The following TMED6 variants were observed in gnomAD, a reference collection of about 807,000 sequenced individuals.
TMED6 encodes the protein transmembrane p24 trafficking protein 6.
Under a neutral mutation model 26.5 loss-of-function variants are expected in TMED6, and 17 were observed. The observed-to-expected ratio is 0.64, with a 90% CI of 0.44 to 0.96. The LOEUF (loss-of-function observed/expected upper bound fraction) is 0.96. Among genes scored for constraint, TMED6 ranks in the 40% least tolerant of loss-of-function variants. TMED6 has a pLI of 0.00. For synonymous variants in TMED6, 107 were observed against 106.2 expected (o/e 1.01, Z -0.04); for missense variants, 309 against 296.5 (o/e 1.04, Z -0.31).
chr16:69,347,662 G>C (rs1437196451), intron 3 of TMED6, 126 bp downstream of exon 3: 3 of 1,398,690 alleles, frequency 2.1e-6, no homozygotes, highest in Non-Finnish European at 2.9e-6. Flanking sequence ...GCCCAGCCAA[G>C]TCATAATTTA....
In TMED6 at chr16:69,351,584, CA is replaced by C; in HGVS notation, c.169del (p.Trp57GlyfsTer40). 1.2e-6 allele frequency: 2 copies of C among 1,614,132 alleles called. No homozygotes were observed. Among genetic ancestry groups the C allele is most frequent in the Non-Finnish European group, 1.7e-6 (2 of 1,180,028 alleles). On this transcript the variant is annotated frameshift_variant, in exon 1 of 4. Coordinates refer to ENST00000288025, the MANE Select transcript of TMED6 (RefSeq NM_144676.4). LOFTEE classifies it high-confidence loss of function. ...MIPPGGTECFWQFAHQTGYFY... is the reference protein window; with the variant it reads ...MIPPGGTECFXQFAHQTGYFY... ...GTATCCAGTCTGGTGGGCAAATTGCCAAAAGCATTCCGTGCCTCCTGGAGGT... is the reference window on the plus strand; with the variant it reads ...GTATCCAGTCTGGTGGGCAAATTGCCAAAGCATTCCGTGCCTCCTGGAGGT...
chr16:69,347,410 G>A (rs774936450), intron 3 of TMED6, among the ~76,000 whole-genome samples: 2 of 152,244 alleles, frequency 1.3e-5, no homozygotes, highest in African/African-American at 2.4e-5. Context: ...CCAGACTGGA[G>A]TGTAGTGGCG....
At chr16:69,347,304 A>G (rs1182992026) in intron 3 of TMED6, among the ~76,000 whole-genome samples, 1 of 152,254 alleles carries the variant, frequency 6.6e-6, no homozygotes, top group Non-Finnish European at 1.5e-5. Flanking sequence ...TTGGCCTGTC[A>G]GCCATACATA....
intron 3 of TMED6, among the ~76,000 whole-genome samples, chr16:69,345,544 G>A (rs1286440396): frequency 1.3e-5 from 2 of 150,830 alleles, no homozygotes; most frequent in African/African-American, 2.4e-5. Flanking sequence ...GTAGGTGGGC[G>A]TGGTGGCACG....
intron 1 of TMED6, among the ~76,000 whole-genome samples, chr16:69,351,131 C>G (rs1256058778): frequency 1.3e-5 from 2 of 152,142 alleles, no homozygotes; most frequent in African/African-American, 4.8e-5. Context: ...GCAGCAGAAC[C>G]TTTACTCCCC....
intron 2 of TMED6, 89 bp downstream of exon 2, chr16:69,349,425 TTTTTCCTACTG>T: frequency 7.0e-7 from 1 of 1,427,860 alleles, no homozygotes; most frequent in Non-Finnish European, 9.4e-7. Flanking sequence ...AGGCTGAATT[TTTTTCCTACTG>T]TTAAAACATC....
rs76937793 is a variant in TMED6, at chr16:69,346,396, T to C, written c.489+1392A>G. Among the ~76,000 whole-genome samples, 365 of 152,342 alleles carry C rather than the reference T, an allele frequency of 2.4e-3. 10 individuals carry two copies. In the East Asian group the frequency reaches 0.066, roughly 28 times the overall value. On this transcript the variant is annotated intron_variant, in intron 3 of 3. Transcript: ENST00000288025. ...AAATGTGTATCCATAAAAGAGAGTA[T>C]TATTCAGCCATAAAAAGAAAAGTAC...
At chr16:69,346,240 T>A (rs2012684442) in intron 3 of TMED6, among the ~76,000 whole-genome samples, 1 of 152,222 alleles carries the variant, frequency 6.6e-6, no homozygotes, top group Admixed American at 6.5e-5. Context: ...AATTCCACTT[T>A]CAGGTATACA....
chr16:69,349,565 C>A lies in TMED6; in HGVS notation c.300G>T (p.Gln100His). 1 of 1,613,970 alleles carries A rather than the reference C, an allele frequency of 6.2e-7. No individual in the cohort carries two copies. Among genetic ancestry groups the A allele is most frequent in the Non-Finnish European group, 8.5e-7 (1 of 1,179,978 alleles). ...AGAAGTTAATCTGGCCCCGAACACC[C>A]TGGGAGGTGTCTATGAGAAATCCCT... is the stretch of plus-strand genomic sequence containing the variant. ...NPQGFLIDTS[Q>H]GVRGQINFST... The change falls in exon 2 of 4, where the codon CAG becomes CAT. Residue 100 changes from glutamine (Q) to histidine (H), a missense_variant. Gln to His is a conservative substitution (Grantham distance 24, BLOSUM62 0). Transcript: ENST00000288025.
Position 69,349,639 on chromosome 16 carries a change from C to CT in TMED6, c.225dup (p.Val76SerfsTer6). 2 of 1,613,736 alleles carry CT rather than the reference C, an allele frequency of 1.2e-6. No homozygotes were observed. Among genetic ancestry groups the CT allele is most frequent in the Non-Finnish European group, 8.5e-7 (1 of 1,179,740 alleles). ...ACATGCCGGTCATGTGACATCCCCA[C>CT]TGTCCGCTGAACCTGCCAAGACACA... is the stretch of plus-strand genomic sequence containing the variant. On this transcript the variant is annotated frameshift_variant, in exon 2 of 4. Coordinates refer to ENST00000288025, the MANE Select transcript of TMED6 (RefSeq NM_144676.4). LOFTEE classifies it high-confidence loss of function.
At position 69,351,614 on chromosome 16, in the gene TMED6, A is replaced by G. The variant is rs1459323901; in HGVS notation, c.140T>C (p.Met47Thr). The change falls in exon 1 of 4, where the codon ATG becomes ACG. Residue 47 changes from methionine to threonine, a missense_variant. Met to Thr is a moderately conservative substitution (Grantham distance 81). Coordinates refer to ENST00000288025, the MANE Select transcript of TMED6 (RefSeq NM_144676.4). ...RGADRYDFAI[M>T]IPPGGTECFW... ...GCATTCCGTGCCTCCTGGAGGTATC[A>G]TGATGGCAAAGTCATATCGATCAGC... The G allele has an allele frequency of 4.3e-6, 7 of 1,614,054 alleles. No individual in the cohort carries two copies. In the East Asian group the frequency reaches 1.6e-4, roughly 36 times the overall value.
In TMED6 at chr16:69,347,888, A is replaced by G; in HGVS notation, c.389T>C (p.Val130Ala). 1 of 1,614,130 alleles carries G rather than the reference A, an allele frequency of 6.2e-7. No homozygotes were observed. The highest frequency in any genetic ancestry group is 2.2e-5 in the East Asian group (1 of 44,880). Residue 130 changes from valine (V) to alanine (A), a missense_variant, in exon 3 of 4, where the codon GTG (valine) becomes GCG (alanine). By Grantham distance (64) the Val-to-Ala change is moderately conservative. Transcript: ENST00000288025. ...GACCCCAAAGTTGAGGTACACTTGC[A>G]CAGAACCGAAGTGATTATGCTGATT... is the stretch of plus-strand genomic sequence containing the variant. ...LSNQHNHFGS[V>A]QVYLNFGVFY...
intron 3 of TMED6, among the ~76,000 whole-genome samples, chr16:69,345,276 CAAAA>C (rs1165220979): frequency 2.0e-5 from 3 of 146,860 alleles, no homozygotes; most frequent in Admixed American, 2.0e-4. Context: ...AACTCCGTCT[CAAAA>C]AAGAAAAAAG....
rs541958582 is a variant in TMED6 at position 69,343,263 on chromosome 16, T to A, written c.*144A>T. ...CTTCTTCAGAACTTTTTCACTGTTA[T>A]GATTTTATTGCCATTTTGCTTTTTT... On this transcript the variant is annotated 3_prime_UTR_variant, in exon 4 of 4. Transcript: ENST00000288025. 1 of 691,542 alleles carries A rather than the reference T, an allele frequency of 1.4e-6. No homozygotes were observed. Among genetic ancestry groups the A allele is most frequent in the South Asian group, 2.0e-5 (1 of 50,818 alleles). The allele number at this position is 691,542 out of a possible 1,614,324, so 42.8% of individuals were successfully genotyped here. A position where few individuals can be genotyped will look rare whatever the true frequency, so the allele number is the denominator to read the frequency against.
rs952723579 is a variant in TMED6, at chr16:69,343,620, C to G, written c.510G>C (p.Gln170His). Residue 170 changes from glutamine (Q) to histidine (H), a missense_variant, in exon 4 of 4, where the codon CAG becomes CAC. Physicochemically the swap from Gln to His is conservative, Grantham distance 24. Transcript: ENST00000288025. ...DAIEDGTQKVQNNIFHMWRYY... is the reference protein window; with the variant it reads ...DAIEDGTQKVHNNIFHMWRYY... ...ATCGCCACATGTGAAAGATATTGTT[C>G]TGCACCTTTTGTGTGCCGTCCTATG... The G allele has an allele frequency of 6.2e-7, 1 of 1,613,898 alleles. No homozygotes were observed. Among genetic ancestry groups the G allele is most frequent in the Non-Finnish European group, 8.5e-7 (1 of 1,179,762 alleles).
chr16:69,348,803 C>A (rs1442463373), intron 2 of TMED6, among the ~76,000 whole-genome samples: 1 of 152,052 alleles, frequency 6.6e-6, no homozygotes, highest in Non-Finnish European at 1.5e-5. Flanking sequence ...TTAGTAGAGA[C>A]GGGGTTTCAC....
Position 69,343,655 on chromosome 16 carries a change from A to AT in TMED6, c.490-16dup, listed in dbSNP as rs1567436393. 1 of 1,603,748 alleles carries AT rather than the reference A, an allele frequency of 6.2e-7. No homozygotes were observed. Among genetic ancestry groups the AT allele is most frequent in the Admixed American group, 1.7e-5 (1 of 59,870 alleles). On this transcript the variant is annotated splice_polypyrimidine_tract_variant and intron_variant, in intron 3 of 3. Coordinates refer to ENST00000288025, the MANE Select transcript of TMED6 (RefSeq NM_144676.4). ...TGTGTGCCGTCCTATGAGAGAGACA[A>AT]TTTTAAGGGGGATTCTTCCAAACCC... is the stretch of plus-strand genomic sequence containing the variant.
intron 3 of TMED6, 88 bp from the exon 4 acceptor site, chr16:69,343,728 CAAAT>C: frequency 1.0e-6 from 1 of 986,064 alleles, no homozygotes; most frequent in East Asian, 2.4e-5. Context: ...TATCTCAAGT[CAAAT>C]AATTTACCCA....
intron 1 of TMED6, among the ~76,000 whole-genome samples, chr16:69,351,045 A>C (rs1297486717): frequency 6.6e-6 from 1 of 152,148 alleles, no homozygotes; most frequent in Non-Finnish European, 1.5e-5. Context: ...TCCTAAAAAA[A>C]AAAAATAGGA....
Sources: allele counts gnomAD v4.1 joint callset (sites outside exome capture counted in the v4.1 genomes callset), GRCh38; gene constraint gnomAD v4.1.1; transcripts MANE v1.5; gene names NCBI Gene and HGNC (gene_info 2026-07-23, HGNC 2026-07-21).